Variants in CUL3 observed in about 807,000 individuals in gnomAD.
CUL3 encodes cullin 3.
CUL3 carries 19 observed loss-of-function variants against 89.1 expected under a neutral mutation model. The ratio of observed to expected loss-of-function variants is 0.21; its 90% confidence interval spans 0.15 to 0.31. CUL3 has a LOEUF of 0.31. CUL3 is among the 10% of genes least tolerant of loss of function. The probability of loss-of-function intolerance (pLI) is 1.00; values close to 1 mark genes in which losing one functional copy is unlikely to be tolerated. For synonymous variants in CUL3, 351 were observed against 308.4 expected (o/e 1.14, Z -1.45); for missense variants, 469 against 942.3 (o/e 0.50, Z 6.58).
rs1004313564 is a variant in CUL3, at chr2:224,472,541, C to T, written c.*1704G>A. 2 of 186,658 alleles carry T rather than the reference C, an allele frequency of 1.1e-5. No individual in the cohort carries two copies. The highest frequency in any genetic ancestry group is 4.7e-5 in the African/African-American group (2 of 42,778). The allele number at this position is 186,658 out of a possible 1,614,324, so 11.6% of individuals were successfully genotyped here. ...CCTTAGCTTTCCATGTTACACCTGA[C>T]TTAGTACTACTCAAGTATGGTAAAA... On this transcript the variant is annotated 3_prime_UTR_variant, in exon 16 of 16. Coordinates refer to ENST00000264414, the MANE Select transcript of CUL3 (RefSeq NM_003590.5).
intron 1 of CUL3, among the ~76,000 whole-genome samples, chr2:224,562,196 T>A (rs1052262624): frequency 1.3e-5 from 2 of 152,046 alleles, no homozygotes; most frequent in Non-Finnish European, 2.9e-5. Context: ...TTCACATATA[T>A]ACATCAAGAG....
At chr2:224,581,970 AT>A (rs576382347) in intron 1 of CUL3, among the ~76,000 whole-genome samples, 35 of 145,252 alleles carry the variant, frequency 2.4e-4, no homozygotes, top group African/African-American at 5.6e-4. Context: ...ACCATAAACA[AT>A]TTTTTTTTTT....
At chr2:224,553,687 A>G (rs934565795) in intron 2 of CUL3, among the ~76,000 whole-genome samples, 1 of 152,172 alleles carries the variant, frequency 6.6e-6, no homozygotes, top group Non-Finnish European at 1.5e-5. Flanking sequence ...TATAAGATAC[A>G]TGAGAGACAT....
intron 2 of CUL3, among the ~76,000 whole-genome samples, chr2:224,551,021 G>A (rs1050727229): frequency 6.6e-5 from 10 of 151,408 alleles, no homozygotes; most frequent in African/African-American, 9.7e-5. Context: ...TACTTATGAT[G>A]GGATTTTATT....
chr2:224,530,131 C>T (rs1457339378), intron 3 of CUL3, among the ~76,000 whole-genome samples: 2 of 151,906 alleles, frequency 1.3e-5, no homozygotes, highest in Non-Finnish European at 2.9e-5. Context: ...CCCAACTACT[C>T]AGGAGGCTGA....
At chr2:224,559,277 C>T (rs1287820934) in intron 1 of CUL3, among the ~76,000 whole-genome samples, 5 of 151,560 alleles carry the variant, frequency 3.3e-5, no homozygotes, top group East Asian at 3.9e-4. Flanking sequence ...CAGTGAGACC[C>T]TGTCTCTACA....
chr2:224,491,111 G>A (rs1177771624), intron 13 of CUL3, among the ~76,000 whole-genome samples: 2 of 152,088 alleles, frequency 1.3e-5, no homozygotes, highest in African/African-American at 4.8e-5. Context: ...GCCTAATCTT[G>A]TGCATTTTCT....
chr2:224,488,085 C>T (rs542359642), intron 13 of CUL3, among the ~76,000 whole-genome samples: 2 of 152,260 alleles, frequency 1.3e-5, no homozygotes, highest in South Asian at 4.1e-4. Context: ...ATCTCTGGGA[C>T]ACGGCTAAAG....
chr2:224,471,444 T>A lies in CUL3; in HGVS notation c.*2801A>T, dbSNP rs944957097. The stretch of plus-strand genomic sequence containing the variant: ...TACTAGTCTTCTAGAGATGTAGGCA[T>A]AATCTTAAAACTGGTTCTAGGCCTT... On this transcript the variant is annotated 3_prime_UTR_variant, in exon 16 of 16. Coordinates refer to ENST00000264414, the MANE Select transcript of CUL3 (RefSeq NM_003590.5). 1.5e-5 allele frequency: 3 copies of A among 197,144 alleles called. No individual in the cohort carries two copies. Among genetic ancestry groups the A allele is most frequent in the Admixed American group, 1.2e-4 (2 of 16,490 alleles). The allele number at this position is 197,144 out of a possible 1,614,324, so 12.2% of individuals were successfully genotyped here.
intron 1 of CUL3, among the ~76,000 whole-genome samples, chr2:224,573,817 C>G (rs1397197148): frequency 1.3e-5 from 2 of 152,070 alleles, no homozygotes; most frequent in Admixed American, 1.3e-4. Context: ...AGATTTAAAA[C>G]AGGAGTAACC....
intron 3 of CUL3, among the ~76,000 whole-genome samples, chr2:224,528,020 C>T (rs1478769068): frequency 2.6e-5 from 4 of 152,230 alleles, no homozygotes; most frequent in African/African-American, 9.6e-5. Flanking sequence ...TATCCCCTCA[C>T]AACTATAGAT....
intron 1 of CUL3, among the ~76,000 whole-genome samples, chr2:224,583,954 G>A (rs1201905589): frequency 1.3e-5 from 2 of 152,218 alleles, no homozygotes; most frequent in African/African-American, 4.8e-5. Context: ...AAAATCTTCT[G>A]TCCGATTGCT....
chr2:224,510,636 G>C (rs542870885), intron 6 of CUL3, among the ~76,000 whole-genome samples: 1 of 152,196 alleles, frequency 6.6e-6, no homozygotes, highest in African/African-American at 2.4e-5. Flanking sequence ...AAGTGGTAAA[G>C]GCAAAGTTTT....
rs962275502 is a variant in CUL3 at position 224,472,390 on chromosome 2, TA to T, written c.*1854del. ...TGAGCTGTCCTGTTTTCCCAGGTGT[TA>T]AATATCATTTAACTGGGAAATGAAA... On this transcript the variant is annotated 3_prime_UTR_variant, in exon 16 of 16. Transcript: ENST00000264414. The T allele has an allele frequency of 4.8e-6, 1 of 207,370 alleles. No homozygotes were observed. The allele number at this position is 207,370 out of a possible 1,614,324, so 12.8% of individuals were successfully genotyped here.
chr2:224,487,300 C>T (rs1275906335), intron 13 of CUL3, among the ~76,000 whole-genome samples: 1 of 151,958 alleles, frequency 6.6e-6, no homozygotes, highest in East Asian at 1.9e-4. Context: ...CTAAATGCCC[C>T]AATTAAAAGA....
intron 3 of CUL3, among the ~76,000 whole-genome samples, chr2:224,530,950 C>A (rs1270832532): frequency 2.0e-5 from 3 of 152,000 alleles, no homozygotes; most frequent in Admixed American, 6.6e-5. Flanking sequence ...TAAAAATGTA[C>A]TTTTAAGTAG....
intron 1 of CUL3, among the ~76,000 whole-genome samples, chr2:224,564,074 C>T (rs978219137): frequency 1.3e-5 from 2 of 152,102 alleles, no homozygotes; most frequent in African/African-American, 4.8e-5. Flanking sequence ...TCACTTGAGG[C>T]CACAAGTTCA....
At position 224,506,344 on chromosome 2, in the gene CUL3, A is replaced by C. The variant is rs543443293; in HGVS notation, c.1030-212T>G. On this transcript the variant is annotated intron_variant, in intron 7 of 15. Transcript: ENST00000264414. ...TATTATAACTTCCATATATGTATTAATACAATGCAAACGAACCAAAGAACC... is the reference window on the plus strand; with the variant it reads ...TATTATAACTTCCATATATGTATTACTACAATGCAAACGAACCAAAGAACC... 7.9e-5 allele frequency among the ~76,000 whole-genome samples: 12 copies of C among 152,290 alleles called. No homozygotes were observed. The South Asian group carries it at 2.5e-3, about 32-fold the overall frequency.
intron 4 of CUL3, among the ~76,000 whole-genome samples, chr2:224,514,332 A>T (rs1408814131): frequency 6.6e-6 from 1 of 152,194 alleles, no homozygotes; most frequent in Non-Finnish European, 1.5e-5. Context: ...AAAAAAGAAA[A>T]AAATGCTGGC....
Sources: allele counts gnomAD v4.1 joint callset (sites outside exome capture counted in the v4.1 genomes callset), GRCh38; gene constraint gnomAD v4.1.1; transcripts MANE v1.5; gene names NCBI Gene and HGNC (gene_info 2026-07-23, HGNC 2026-07-21).